RGSL1: variants seen among roughly 807,000 people sequenced by gnomAD.
The protein encoded by RGSL1 is regulator of G protein signaling protein-like.
In RGSL1, 97 loss-of-function variants were observed where a neutral mutation model predicts 124.7. That is an observed-to-expected ratio of 0.78 (90% CI 0.66 to 0.92). The LOEUF is 0.92. Ranked by LOEUF, RGSL1 falls within the 40% of genes least tolerant of loss-of-function variation. The pLI is 0.00. For synonymous variants in RGSL1, 424 were observed against 438.1 expected (o/e 0.97, Z 0.40); for missense variants, 1,233 against 1,288.4 (o/e 0.96, Z 0.66).
At position 182,517,466 on chromosome 1, in the gene RGSL1, T is replaced by C. The variant is rs1033377387; in HGVS notation, c.1826-4538T>C. 4.6e-5 allele frequency among the ~76,000 whole-genome samples: 7 copies of C among 152,092 alleles called. No homozygotes were observed. The South Asian group carries it at 1.4e-3, about 31-fold the overall frequency. On this transcript the variant is annotated intron_variant, in intron 9 of 21. Coordinates refer to ENST00000294854, the MANE Select transcript of RGSL1 (RefSeq NM_001137669.2). ...ATTATTTTTTTTTAAATAAATCTTC[T>C]ATCCCTTGCTCTTGCTCGACTTCCT...
At chr1:182,448,628 C>T (rs151088782), upstream of RGSL1, among the ~76,000 whole-genome samples, 446 of 152,146 alleles carry the variant, frequency 2.9e-3, 3 homozygotes, top group African/African-American at 0.01. Context: ...TGCCAGGGGA[C>T]GGTCCCGGCA....
chr1:182,473,140 G>A (rs975075529), intron 5 of RGSL1, among the ~76,000 whole-genome samples: 5 of 152,166 alleles, frequency 3.3e-5, no homozygotes, highest in Non-Finnish European at 7.3e-5. Context: ...GCTGTTTGGG[G>A]TTAGTCATAC....
chr1:182,458,296 T>G (rs1421099386), intron 2 of RGSL1, 23 bp from the exon 3 acceptor site: 10 of 1,541,804 alleles, frequency 6.5e-6, no homozygotes, highest in Non-Finnish European at 8.8e-6. Flanking sequence ...CTCCCTTGAC[T>G]GTTTCCTAGC....
chr1:182,490,507 A>G (rs1655437939), intron 8 of RGSL1, among the ~76,000 whole-genome samples: 1 of 152,240 alleles, frequency 6.6e-6, no homozygotes, highest in South Asian at 2.1e-4. Flanking sequence ...ATGTTTGGGC[A>G]TAAGTTATTT....
At chr1:182,512,579 T>C (rs492963) in intron 9 of RGSL1, among the ~76,000 whole-genome samples, 131,141 of 152,086 alleles carry the variant, frequency 0.86, 56,852 homozygotes, top group African/African-American at 0.9. Flanking sequence ...TGGGTGCCTG[T>C]GATTCTCAAA....
intron 15 of RGSL1, among the ~76,000 whole-genome samples, chr1:182,547,015 A>G (rs925255540): frequency 6.6e-6 from 1 of 152,230 alleles, no homozygotes; most frequent in East Asian, 1.9e-4. Context: ...TAATTCATGC[A>G]TCAGTTAGAA....
chr1:182,500,827 T>A (rs1036048392), intron 9 of RGSL1, among the ~76,000 whole-genome samples: 7 of 152,252 alleles, frequency 4.6e-5, no homozygotes, highest in African/African-American at 1.7e-4. Flanking sequence ...GATTATTGCA[T>A]ATTGAATTTG....
chr1:182,468,691 A>T (rs1164825330), intron 4 of RGSL1, among the ~76,000 whole-genome samples: 2 of 152,208 alleles, frequency 1.3e-5, no homozygotes, highest in Non-Finnish European at 2.9e-5. Context: ...GCAGCACACC[A>T]GTATGGCACA....
At chr1:182,450,266 C>A (rs1434370334) in intron 1 of RGSL1, 88 bp downstream of exon 1, 1 of 1,446,386 alleles carries the variant, frequency 6.9e-7, no homozygotes. Context: ...TAGATCTGAG[C>A]CATTCAGGGG....
At chr1:182,499,984 A>T (rs1178952574) in intron 9 of RGSL1, among the ~76,000 whole-genome samples, 1 of 152,092 alleles carries the variant, frequency 6.6e-6, no homozygotes, top group African/African-American at 2.4e-5. Context: ...TATGTTGATA[A>T]TGTTCTTTGA....
chr1:182,450,467 G>T, intron 1 of RGSL1: 1 of 490,384 alleles, frequency 2.0e-6, no homozygotes, highest in Non-Finnish European at 3.7e-6. Flanking sequence ...GACTGGTATG[G>T]GGTTTGAGAT....
At chr1:182,488,173 A>G in intron 6 of RGSL1, 112 bp from the exon 7 acceptor site, 2 of 1,049,864 alleles carry the variant, frequency 1.9e-6, no homozygotes, top group Non-Finnish European at 2.8e-6. Flanking sequence ...AGATCTCCAA[A>G]TTACAGAACC....
intron 21 of RGSL1, among the ~76,000 whole-genome samples, chr1:182,557,408 C>CA (rs1660924906): frequency 6.6e-6 from 1 of 152,036 alleles, no homozygotes; most frequent in African/African-American, 2.4e-5. Context: ...AGCATTTCAT[C>CA]AAAAAAGAAC....
Position 182,489,054 on chromosome 1 carries a change from T to A in RGSL1, c.1569T>A (p.Tyr523Ter), listed in dbSNP as rs1457033238. The A allele has an allele frequency of 1.7e-5, 26 of 1,551,502 alleles. No individual in the cohort carries two copies. The highest frequency in any genetic ancestry group is 2.3e-5 in the Non-Finnish European group (26 of 1,147,000). ...FIGKEENILL[Y>*]KRIQQSLELS... ...GCAAAGAAGAGAACATTCTTCTTTA[T>A]AAGAGGATTCAGCAGTCTCTAGAGT... The change falls in exon 8 of 22, where the codon TAT becomes TAA. Residue 523 changes from tyrosine to a stop codon, truncating the protein, a stop_gained. Transcript: ENST00000294854. LOFTEE classifies it high-confidence loss of function.
chr1:182,550,431 G>A (rs267916), intron 17 of RGSL1: 88,099 of 152,050 alleles, frequency 0.58, 26,319 homozygotes, highest in Non-Finnish European at 0.65. Flanking sequence ...CAGATCCAAA[G>A]TGCCATAGAA....
intron 21 of RGSL1, among the ~76,000 whole-genome samples, chr1:182,557,876 C>T (rs1660952397): frequency 6.6e-6 from 1 of 152,156 alleles, no homozygotes; most frequent in Admixed American, 6.5e-5. Flanking sequence ...TCTAGTGTCA[C>T]TAAGTCAGTC....
intron 6 of RGSL1, among the ~76,000 whole-genome samples, chr1:182,485,892 A>G (rs1287558832): frequency 6.6e-6 from 1 of 152,244 alleles, no homozygotes; most frequent in Non-Finnish European, 1.5e-5. Flanking sequence ...CCATAAATAA[A>G]GTTTTATTGC....
intron 15 of RGSL1, among the ~76,000 whole-genome samples, chr1:182,547,518 C>T (rs533017544): frequency 6.6e-6 from 1 of 152,206 alleles, no homozygotes; most frequent in South Asian, 2.1e-4. Flanking sequence ...TAGCAACCAG[C>T]GTAGCCTATT....
At chr1:182,471,542 T>C (rs1402517110) in intron 4 of RGSL1, among the ~76,000 whole-genome samples, 1 of 152,126 alleles carries the variant, frequency 6.6e-6, no homozygotes, top group African/African-American at 2.4e-5. Flanking sequence ...AGGTCCATAG[T>C]GTAGGTTAAG....
Sources: allele counts gnomAD v4.1 joint callset (sites outside exome capture counted in the v4.1 genomes callset), GRCh38; gene constraint gnomAD v4.1.1; transcripts MANE v1.5; gene names NCBI Gene and HGNC (gene_info 2026-07-23, HGNC 2026-07-21).